Variants in TMEM132C observed in about 807,000 individuals in gnomAD.
TMEM132C encodes the protein protein phosphatase 1, regulatory subunit 152.
TMEM132C carries 29 observed loss-of-function variants against 61.4 expected under a neutral mutation model. The ratio of observed to expected loss-of-function variants is 0.47; its 90% CI spans 0.35 to 0.64. The LOEUF (loss-of-function observed/expected upper bound fraction) is 0.64. Among genes scored for constraint, TMEM132C ranks in the 30% least tolerant of loss-of-function variants. TMEM132C has a pLI of 0.00. For missense variants in TMEM132C, 1,408 were observed against 1,476.9 expected, an observed-to-expected ratio of 0.95 and a Z score of 0.76; for synonymous variants, 656 against 633.1, an observed-to-expected ratio of 1.04 and a Z score of -0.54.
chr12:128,560,337 G>T (rs776080342), intron 3 of TMEM132C, among the ~76,000 whole-genome samples: 4 of 152,136 alleles, frequency 2.6e-5, no homozygotes, highest in Non-Finnish European at 5.9e-5. Context: ...GATCCTGAGT[G>T]ATCTGGCCCC....
In TMEM132C at chr12:128,345,598, T is replaced by C. The variant is rs571416851; in HGVS notation, c.86-69134T>C. 5.6e-4 allele frequency among the ~76,000 whole-genome samples: 85 copies of C among 152,178 alleles called. 1 individual carries two copies. Among genetic ancestry groups the C allele is most frequent in the Admixed American group, 7.2e-4 (11 of 15,284 alleles). The stretch of plus-strand genomic sequence containing the variant: ...CTGTTATTTTTTGACTTTTTAATAG[T>C]AGCCATTCTGACAGATGGGAGATGG... On this transcript the variant is annotated intron_variant, in intron 1 of 8. Transcript: ENST00000435159.
At chr12:128,603,821 C>T (rs1283356851) in intron 3 of TMEM132C, among the ~76,000 whole-genome samples, 1 of 152,004 alleles carries the variant, frequency 6.6e-6, no homozygotes, top group Non-Finnish European at 1.5e-5. Flanking sequence ...ACTAGAGTGT[C>T]CACAAGCAGC....
At chr12:128,362,203 T>C (rs1439583032) in intron 1 of TMEM132C, among the ~76,000 whole-genome samples, 1 of 151,912 alleles carries the variant, frequency 6.6e-6, no homozygotes, top group Non-Finnish European at 1.5e-5. Flanking sequence ...AAAGGCAAAA[T>C]ATAAAAACCT....
chr12:128,267,188 G>A lies in TMEM132C; in HGVS notation c.-215G>A, dbSNP rs189252406. ...TGCGGGAGAAAAGTTGTCCCGGCCG[G>A]AGCGCGAGCAGCGGCGGAGCCGGAG... On this transcript the variant is annotated 5_prime_UTR_variant, in exon 1 of 9. Transcript: ENST00000435159. 0.027 allele frequency among the ~76,000 whole-genome samples: 3,927 copies of A among 147,042 alleles called. 176 individuals are homozygous for A. Among genetic ancestry groups the A allele is most frequent in the African/African-American group, 0.091 (3,737 of 40,970 alleles).
chr12:128,350,155 A>G (rs1015001783), intron 1 of TMEM132C, among the ~76,000 whole-genome samples: 2 of 152,234 alleles, frequency 1.3e-5, no homozygotes, highest in South Asian at 4.1e-4. Context: ...ACATGAAATC[A>G]TCACTCCTTT....
At chr12:128,595,906 G>A (rs1875927031) in intron 3 of TMEM132C, among the ~76,000 whole-genome samples, 1 of 152,246 alleles carries the variant, frequency 6.6e-6, no homozygotes, top group Non-Finnish European at 1.5e-5. Flanking sequence ...TACAGTAGGA[G>A]AAGGGCAATT....
At chr12:128,300,283 T>G (rs1282836971) in intron 1 of TMEM132C, among the ~76,000 whole-genome samples, 1 of 152,180 alleles carries the variant, frequency 6.6e-6, no homozygotes, top group East Asian at 1.9e-4. Flanking sequence ...GGGTTATTGC[T>G]GGCAACAGGA....
In TMEM132C at chr12:128,489,562, CATATATATATAT is replaced by C. The variant is rs10654008; in HGVS notation, c.975-54386_975-54375del. 9.4e-5 allele frequency among the ~76,000 whole-genome samples: 13 copies of C among 138,400 alleles called. No individual in the cohort carries two copies. The South Asian group carries it at 2.8e-3, about 30-fold the overall frequency. 90.8% of individuals were successfully genotyped at this position (138,400 alleles called of 152,430 possible). A position where few individuals can be genotyped will look rare whatever the true frequency, so the allele number is the denominator to read the frequency against. On this transcript the variant is annotated intron_variant, in intron 2 of 8. Transcript: ENST00000435159. Reference sequence around the variant, plus strand: ...CCTCCATTATATATTTTTATATGCTCATATATATATATATATATATTCTGTCCACAACACAGA... The same window carrying C: ...CCTCCATTATATATTTTTATATGCTCATATATATTCTGTCCACAACACAGA...
intron 2 of TMEM132C, among the ~76,000 whole-genome samples, chr12:128,455,284 C>T (rs1870302485): frequency 6.6e-6 from 1 of 152,210 alleles, no homozygotes; most frequent in African/African-American, 2.4e-5. Flanking sequence ...GGTCTGCCAA[C>T]TGAATTCAGT....
intron 3 of TMEM132C, among the ~76,000 whole-genome samples, chr12:128,586,261 G>C (rs11059779): frequency 6.6e-6 from 1 of 151,476 alleles, no homozygotes; most frequent in Non-Finnish European, 1.5e-5. Context: ...TCTATTTTAA[G>C]TGTCAAAAAA....
At chr12:128,532,540 G>A (rs1873350881) in intron 2 of TMEM132C, among the ~76,000 whole-genome samples, 1 of 149,946 alleles carries the variant, frequency 6.7e-6, no homozygotes, top group East Asian at 2.0e-4. Context: ...TTGGGAGGCT[G>A]AGGCAGGAGA....
At chr12:128,651,005 C>T (rs960447865) in intron 4 of TMEM132C, among the ~76,000 whole-genome samples, 1 of 152,170 alleles carries the variant, frequency 6.6e-6, no homozygotes, top group Admixed American at 6.5e-5. Context: ...GTATAAATCT[C>T]CACCCCTCAG....
intron 1 of TMEM132C, among the ~76,000 whole-genome samples, chr12:128,300,477 A>G (rs929517299): frequency 6.6e-6 from 1 of 152,108 alleles, no homozygotes; most frequent in African/African-American, 2.4e-5. Flanking sequence ...TCTTCTGTGA[A>G]GAAAGTTTTT....
In TMEM132C at chr12:128,706,523, G is replaced by A. The variant is rs1954842190; in HGVS notation, c.*228G>A. The A allele has an allele frequency of 9.7e-6, 5 of 515,930 alleles. No individual in the cohort carries two copies. The Admixed American group carries it at 1.1e-4, about 12-fold the overall frequency. The allele number at this position is 515,930 out of a possible 1,614,324, so 32.0% of individuals were successfully genotyped here. Reference sequence around the variant, plus strand: ...CAGGGGAATAAAGTCTGGGGCATGGGGAGTGCAGACCAAGTTACTGAACTG... The same window carrying A: ...CAGGGGAATAAAGTCTGGGGCATGGAGAGTGCAGACCAAGTTACTGAACTG... On this transcript the variant is annotated 3_prime_UTR_variant, in exon 9 of 9. Coordinates refer to ENST00000435159, the MANE Select transcript of TMEM132C (RefSeq NM_001136103.3).
chr12:128,277,861 C>A (rs1159275948), intron 1 of TMEM132C, among the ~76,000 whole-genome samples: 1 of 152,162 alleles, frequency 6.6e-6, no homozygotes, highest in Non-Finnish European at 1.5e-5. Flanking sequence ...TTCTTTATCT[C>A]TCATCACATC....
intron 1 of TMEM132C, among the ~76,000 whole-genome samples, chr12:128,286,733 C>A (rs527326572): frequency 4.6e-5 from 7 of 152,228 alleles, no homozygotes; most frequent in South Asian, 2.1e-4. Flanking sequence ...GAGGCCAAAG[C>A]AGCAAGATCC....
chr12:128,458,790 C>T (rs762294715), intron 2 of TMEM132C, among the ~76,000 whole-genome samples: 16 of 152,172 alleles, frequency 1.1e-4, no homozygotes, highest in Non-Finnish European at 2.1e-4. Flanking sequence ...AAGGGATACT[C>T]ACAGTACAGG....
rs1177817587 is a variant in TMEM132C at position 128,666,011 on chromosome 12, ACACATTCACAGGCG to A, written c.1306-3392_1306-3379del. ...CACAGGCACTCACACACAGGCACACACACATTCACAGGCGCACATTCACAGGCACTCATACACAA... is the reference window on the plus strand; with the variant it reads ...CACAGGCACTCACACACAGGCACACACACATTCACAGGCACTCATACACAA... On this transcript the variant is annotated intron_variant, in intron 4 of 8. Transcript: ENST00000435159. 4.4e-3 allele frequency among the ~76,000 whole-genome samples: 612 copies of A among 138,028 alleles called. 17 individuals are homozygous for A. Among genetic ancestry groups the A allele is most frequent in the African/African-American group, 0.017 (560 of 33,836 alleles). The allele number at this position is 138,028 out of a possible 152,430, so 90.6% of individuals were successfully genotyped here. A position where few individuals can be genotyped will look rare whatever the true frequency, so the allele number is the denominator to read the frequency against.
At chr12:128,516,294 C>T (rs992876261) in intron 2 of TMEM132C, among the ~76,000 whole-genome samples, 15 of 152,332 alleles carry the variant, frequency 9.8e-5, no homozygotes, top group African/African-American at 1.7e-4. Flanking sequence ...AACATTCTTC[C>T]GATGGGACAA....
Sources: gnomAD v4.1 joint callset for allele counts (sites outside exome capture counted in the v4.1 genomes callset) on GRCh38, gnomAD v4.1.1 for gene constraint, MANE v1.5 for transcripts, NCBI Gene and HGNC (gene_info 2026-07-23, HGNC 2026-07-21) for gene names.